MRTFB: variants seen among roughly 807,000 people sequenced by gnomAD.
MRTFB encodes myocardin related transcription factor B, also known as myocardin-related transcription factor B.
In MRTFB, 29 loss-of-function variants were observed where a neutral mutation model predicts 104.2. The ratio of observed to expected loss-of-function variants is 0.28; its 90% CI spans 0.21 to 0.38. The LOEUF (loss-of-function observed/expected upper bound fraction) is 0.38. MRTFB is among the 10% of genes least tolerant of loss of function. MRTFB has a pLI of 1.00. For synonymous variants in MRTFB, 535 were observed against 519.5 expected (o/e 1.03, Z -0.41); for missense variants, 1,270 against 1,341.6 (o/e 0.95, Z 0.83).
At chr16:13,998,517 A>G in the MRTFB span, among the ~76,000 whole-genome samples, 1 of 152,034 alleles carries the variant, frequency 6.6e-6, no homozygotes, top group African/African-American at 2.4e-5. Flanking sequence ...ATGAAGTTGC[A>G]CACCTGTAGT....
At chr16:14,076,194 T>C (rs1025463097) in intron 1 of MRTFB, among the ~76,000 whole-genome samples, 3 of 152,068 alleles carry the variant, frequency 2.0e-5, no homozygotes, top group Non-Finnish European at 4.4e-5. Context: ...TTTTCTACAC[T>C]TCTTTTCTTT....
chr16:14,207,332 G>C (rs1002652420), intron 3 of MRTFB, among the ~76,000 whole-genome samples: 6 of 152,192 alleles, frequency 3.9e-5, no homozygotes, highest in Non-Finnish European at 8.8e-5. Context: ...AAATGTTTGT[G>C]TGTGTTGTTT....
intron 1 of MRTFB, among the ~76,000 whole-genome samples, chr16:14,072,903 C>T (rs900710859): frequency 6.6e-6 from 1 of 152,054 alleles, no homozygotes; most frequent in Non-Finnish European, 1.5e-5. Flanking sequence ...GTCACACACT[C>T]GAAGGGACAA....
At chr16:14,005,082 A>G in the MRTFB span, among the ~76,000 whole-genome samples, 7 of 152,318 alleles carry the variant, frequency 4.6e-5, no homozygotes, top group Non-Finnish European at 8.8e-5. Flanking sequence ...CTCACACACC[A>G]TCATCCCATT....
chr16:14,138,731 C>T (rs1014648874), intron 2 of MRTFB, among the ~76,000 whole-genome samples: 2 of 152,046 alleles, frequency 1.3e-5, no homozygotes, highest in Non-Finnish European at 2.9e-5. Flanking sequence ...CTTTGCGGCT[C>T]GCTCATTTTT....
At chr16:14,090,347 T>C (rs974511149) in intron 2 of MRTFB, among the ~76,000 whole-genome samples, 2 of 152,258 alleles carry the variant, frequency 1.3e-5, no homozygotes, top group Non-Finnish European at 2.9e-5. Context: ...CCAAATCTCC[T>C]AACCTTACAC....
rs775800952 is a variant in MRTFB at position 14,210,274 on chromosome 16, G to A, written c.186G>A (p.Thr62=). Residue 62 remains threonine (T), a synonymous_variant, in exon 4 of 17, where the codon ACG becomes ACA. Transcript: ENST00000571589. The part of the protein sequence containing the change: ...VLQLRLQQRR[T]REQLVDQGIM... ...AGCTGAGGCTGCAACAAAGGAGGAC[G>A]AGAGAACAACTAGTGGACCAGGGCA... is the stretch of plus-strand genomic sequence containing the variant. The A allele has an allele frequency of 1.1e-5, 17 of 1,613,318 alleles. No homozygotes were observed. The highest frequency in any genetic ancestry group is 2.2e-5 in the South Asian group (2 of 90,880).
intron 13 of MRTFB, among the ~76,000 whole-genome samples, chr16:14,251,599 CCCA>C (rs1433177106): frequency 6.6e-6 from 1 of 152,188 alleles, no homozygotes; most frequent in East Asian, 1.9e-4. Flanking sequence ...CCAAATCTAA[CCCA>C]CCACCTGTTT....
At chr16:14,165,580 C>G (rs910910113) in intron 3 of MRTFB, among the ~76,000 whole-genome samples, 5 of 152,174 alleles carry the variant, frequency 3.3e-5, no homozygotes, top group African/African-American at 1.2e-4. Context: ...ACATTATTCT[C>G]TCTTGGGACT....
At chr16:14,194,519 A>G (rs1481634051) in intron 3 of MRTFB, among the ~76,000 whole-genome samples, 1 of 152,184 alleles carries the variant, frequency 6.6e-6, no homozygotes, top group East Asian at 1.9e-4. Flanking sequence ...TTTGAGAGGG[A>G]CACAGTTCAG....
At chr16:14,035,609 G>A in the MRTFB span, among the ~76,000 whole-genome samples, 1 of 152,082 alleles carries the variant, frequency 6.6e-6, no homozygotes, top group Admixed American at 6.6e-5. Context: ...ACTCTATGAG[G>A]TATGTGTAAT....
chr16:14,241,278 C>T (rs903702302), intron 10 of MRTFB: 8 of 153,238 alleles, frequency 5.2e-5, no homozygotes, highest in East Asian at 1.9e-4. Flanking sequence ...GCCTTGGTGA[C>T]GAACAACTGC....
chr16:14,088,955 C>T (rs2034887402), intron 2 of MRTFB, among the ~76,000 whole-genome samples: 1 of 152,062 alleles, frequency 6.6e-6, no homozygotes, highest in Non-Finnish European at 1.5e-5. Flanking sequence ...TTGTTCTTTC[C>T]TCTTTTTTAT....
Position 14,217,306 on chromosome 16 carries a change from A to G in MRTFB, c.514+19A>G. The G allele has an allele frequency of 6.3e-7, 1 of 1,576,464 alleles. No individual in the cohort carries two copies. The highest frequency in any genetic ancestry group is 8.6e-7 in the Non-Finnish European group (1 of 1,165,354). Reference sequence around the variant, plus strand: ...ATTATAGGCAAGACTCTAAAAATTTACTATTTGGGGTGAGAAAGAGAAACT... The same window carrying G: ...ATTATAGGCAAGACTCTAAAAATTTGCTATTTGGGGTGAGAAAGAGAAACT... On this transcript the variant is annotated intron_variant, in intron 7 of 16. Coordinates refer to ENST00000571589, the MANE Select transcript of MRTFB (RefSeq NM_001308142.2).
Position 14,148,371 on chromosome 16 carries a change from C to T in MRTFB, c.154+7611C>T, listed in dbSNP as rs560916567. 4.6e-5 allele frequency among the ~76,000 whole-genome samples: 7 copies of T among 152,268 alleles called. No homozygotes were observed. In the South Asian group the frequency reaches 1.2e-3, roughly 27 times the overall value. On this transcript the variant is annotated intron_variant, in intron 3 of 16. Coordinates refer to ENST00000571589, the MANE Select transcript of MRTFB (RefSeq NM_001308142.2). ...GAAAAGATAGTTTTGGACACCTGTTCTCTACCATACCTATAAAAGAGCCTA... is the reference window on the plus strand; with the variant it reads ...GAAAAGATAGTTTTGGACACCTGTTTTCTACCATACCTATAAAAGAGCCTA...
intron 3 of MRTFB, chr16:14,151,293 T>C (rs917374546): frequency 6.6e-6 from 1 of 152,234 alleles, no homozygotes; most frequent in Non-Finnish European, 1.5e-5. Context: ...TTTCCACATA[T>C]ATTTTATACA....
At chr16:14,122,751 A>G (rs1288402821) in intron 2 of MRTFB, among the ~76,000 whole-genome samples, 3 of 152,064 alleles carry the variant, frequency 2.0e-5, no homozygotes, top group Admixed American at 2.0e-4. Flanking sequence ...CAGTAAACAT[A>G]TGTGTGCATG....
chr16:14,117,250 T>G (rs1481657539), intron 2 of MRTFB, among the ~76,000 whole-genome samples: 1 of 152,238 alleles, frequency 6.6e-6, no homozygotes, highest in African/African-American at 2.4e-5. Context: ...GTACAAATAA[T>G]GGGCACAGAT....
intron 3 of MRTFB, among the ~76,000 whole-genome samples, chr16:14,178,598 G>A (rs2039664012): frequency 6.6e-6 from 1 of 152,192 alleles, no homozygotes; most frequent in Non-Finnish European, 1.5e-5. Context: ...AGAGCGTTGT[G>A]TAAGCCAAGA....
Sources: gnomAD v4.1 joint callset for allele counts (sites outside exome capture counted in the v4.1 genomes callset) on GRCh38, gnomAD v4.1.1 for gene constraint, MANE v1.5 for transcripts, NCBI Gene and HGNC (gene_info 2026-07-23, HGNC 2026-07-21) for gene names.